HEPHL1: variants seen among roughly 807,000 people sequenced by gnomAD.
The protein encoded by HEPHL1 is ferroxidase HEPHL1.
HEPHL1 carries 123 observed loss-of-function variants against 122.0 expected under a neutral mutation model. The observed-to-expected ratio is 1.01, with a 90% CI of 0.87 to 1.17. The LOEUF (loss-of-function observed/expected upper bound fraction) is 1.17. HEPHL1 is among the 50% of genes most tolerant of loss of function. The probability of loss-of-function intolerance (pLI) is 0.00; values close to 1 mark genes in which losing one functional copy is unlikely to be tolerated. For synonymous variants in HEPHL1, 527 were observed against 508.9 expected, an observed-to-expected ratio of 1.04 and a Z score of -0.48; for missense variants, 1,452 against 1,430.5, an observed-to-expected ratio of 1.01 and a Z score of -0.24.
chr11:94,050,607 T>C (rs1945881302), intron 2 of HEPHL1, among the ~76,000 whole-genome samples: 1 of 152,162 alleles, frequency 6.6e-6, no homozygotes, highest in Non-Finnish European at 1.5e-5. Context: ...TGCATAATAA[T>C]AACATCATAG....
At chr11:94,045,003 T>G (rs2134415159) in intron 1 of HEPHL1, among the ~76,000 whole-genome samples, 1 of 152,286 alleles carries the variant, frequency 6.6e-6, no homozygotes, top group East Asian at 1.9e-4. Context: ...TTTCCCAGGC[T>G]TGAGTGATCC....
Position 94,104,737 on chromosome 11 carries a change from C to A in HEPHL1, c.2892C>A (p.Ser964Arg), listed in dbSNP as rs751199344. The change falls in exon 16 of 20, where the codon AGC (serine) becomes AGA (arginine). Residue 964 changes from serine (S) to arginine (R), a missense_variant. Transcript: ENST00000315765. ...AGCGCACTGATGATTTTGAGGAAAG[C>A]AACAGAATGCATGGTATATCCAAAG... ...DFKRTDDFEE[S>R]NRMHAINGKI... 12 of 1,611,222 alleles carry A rather than the reference C, an allele frequency of 7.4e-6. No individual in the cohort carries two copies. The highest frequency in any genetic ancestry group is 5.3e-5 in the African/African-American group (4 of 74,826).
chr11:94,055,230 C>T, intron 2 of HEPHL1: 1 of 267,216 alleles, frequency 3.7e-6, no homozygotes, highest in East Asian at 1.0e-4. Context: ...TTTTCTGCTG[C>T]TCAGATTTTC....
intron 6 of HEPHL1, among the ~76,000 whole-genome samples, chr11:94,071,618 T>C (rs925288447): frequency 5.9e-5 from 9 of 152,178 alleles, no homozygotes; most frequent in African/African-American, 1.9e-4. Flanking sequence ...CAAGATGACA[T>C]GAGGGATGCA....
rs57141760 is a variant in HEPHL1 at position 94,105,962 on chromosome 11, A to G, written c.2906-29A>G. On this transcript the variant is annotated intron_variant, in intron 16 of 19. Transcript: ENST00000315765. ...AAATCAGCTTATCTTTTAACTAACCAAAGGTTATTTTCTTATCACCTTTTA... is the reference window on the plus strand; with the variant it reads ...AAATCAGCTTATCTTTTAACTAACCGAAGGTTATTTTCTTATCACCTTTTA... 6,880 of 1,500,050 alleles carry G rather than the reference A, an allele frequency of 4.6e-3. 268 individuals carry two copies. The African/African-American group carries it at 0.085, about 19-fold the overall frequency. The allele number at this position is 1,500,050 out of a possible 1,614,324, so 92.9% of individuals were successfully genotyped here.
rs1380290682 is a variant in HEPHL1, at chr11:94,088,900, A to C, written c.2226A>C (p.Val742=). The C allele has an allele frequency of 1.2e-6, 2 of 1,614,032 alleles. No individual in the cohort carries two copies. Among genetic ancestry groups the C allele is most frequent in the Non-Finnish European group, 1.7e-6 (2 of 1,179,898 alleles). The change falls in exon 12 of 20, where the codon GTA becomes GTC. Residue 742 remains valine, a synonymous_variant. Transcript: ENST00000315765. Reference sequence around the variant, plus strand: ...CTTTTTACATCGCCGCTGAAGAAGTAGAATGGGATTATGCCCCTAACAAAA... The same window carrying C: ...CTTTTTACATCGCCGCTGAAGAAGTCGAATGGGATTATGCCCCTAACAAAA... ...IRTFYIAAEE[V]EWDYAPNKNW...
At chr11:94,096,990 T>G (rs1005952221) in intron 13 of HEPHL1, among the ~76,000 whole-genome samples, 25 of 152,254 alleles carry the variant, frequency 1.6e-4, no homozygotes, top group Non-Finnish European at 4.4e-5. Context: ...CATTGATTTT[T>G]TGAAGGGTTT....
At chr11:94,089,415 A>T (rs1946246251) in intron 12 of HEPHL1, among the ~76,000 whole-genome samples, 1 of 152,160 alleles carries the variant, frequency 6.6e-6, no homozygotes, top group African/African-American at 2.4e-5. Flanking sequence ...ACCACCAAGG[A>T]GGGACAGGAG....
intron 1 of HEPHL1, among the ~76,000 whole-genome samples, chr11:94,042,635 A>G (rs1398482583): frequency 6.6e-6 from 1 of 150,474 alleles, no homozygotes; most frequent in African/African-American, 2.5e-5. Context: ...ACAAAAAATC[A>G]AACACCGCAT....
chr11:94,101,323 A>C lies in HEPHL1; in HGVS notation c.2563A>C (p.Met855Leu), dbSNP rs373490740. 43 of 1,612,490 alleles carry C rather than the reference A, an allele frequency of 2.7e-5. No homozygotes were observed. Among genetic ancestry groups the C allele is most frequent in the Non-Finnish European group, 3.6e-5 (42 of 1,179,048 alleles). The change falls in exon 14 of 20, where the codon ATG becomes CTG. Residue 855 changes from methionine (M) to leucine (L), a missense_variant. Physicochemically the swap from Met to Leu is conservative, Grantham distance 15. Coordinates refer to ENST00000315765, the MANE Select transcript of HEPHL1 (RefSeq NM_001098672.2). ...TAGTGGAAAGCAATTCCAAGTGCCC[A>C]TGACAAAACCAGGTAAGTTGTGTCA... ...MDSGKQFQVP[M>L]TKPGEVKTYR...
chr11:94,106,315 C>T lies in HEPHL1; in HGVS notation c.3045+185C>T, dbSNP rs568373647. On this transcript the variant is annotated intron_variant, in intron 17 of 19. Transcript: ENST00000315765. Reference sequence around the variant, plus strand: ...TTTCTTTTTTTTTTTTTTTTTGAGACGGAGTCTTGCTCTGTTGCCCAGGGC... The same window carrying T: ...TTTCTTTTTTTTTTTTTTTTTGAGATGGAGTCTTGCTCTGTTGCCCAGGGC... 5.0e-5 allele frequency among the ~76,000 whole-genome samples: 7 copies of T among 138,912 alleles called. No individual in the cohort carries two copies. The East Asian group carries it at 6.3e-4, about 12-fold the overall frequency. 91.1% of individuals were successfully genotyped at this position (138,912 alleles called of 152,430 possible).
At position 94,064,272 on chromosome 11, in the gene HEPHL1, G is replaced by C. The variant is rs74892692; in HGVS notation, c.629-59G>C. 3 of 1,350,772 alleles carry C rather than the reference G, an allele frequency of 2.2e-6. No individual in the cohort carries two copies. The African/African-American group carries it at 4.3e-5, about 19-fold the overall frequency. 83.7% of individuals were successfully genotyped at this position (1,350,772 alleles called of 1,614,324 possible). A position where few individuals can be genotyped will look rare whatever the true frequency, so the allele number is the denominator to read the frequency against. ...CACACTTGCCTGACACTATTGGAAGGAAGCAAAGCTCATCTTGATTTAGTT... is the reference window on the plus strand; with the variant it reads ...CACACTTGCCTGACACTATTGGAAGCAAGCAAAGCTCATCTTGATTTAGTT... On this transcript the variant is annotated intron_variant, in intron 3 of 19. Coordinates refer to ENST00000315765, the MANE Select transcript of HEPHL1 (RefSeq NM_001098672.2).
chr11:94,106,361 C>T (rs1375632866), intron 17 of HEPHL1, among the ~76,000 whole-genome samples: 1 of 149,756 alleles, frequency 6.7e-6, no homozygotes, highest in Non-Finnish European at 1.5e-5. Flanking sequence ...GGCACAATCT[C>T]AGCTCACTGC....
At chr11:94,098,081 T>A (rs1946333754) in intron 13 of HEPHL1, among the ~76,000 whole-genome samples, 1 of 152,236 alleles carries the variant, frequency 6.6e-6, no homozygotes. Context: ...GTTATTTCAC[T>A]CATTAGTTGA....
intron 1 of HEPHL1, among the ~76,000 whole-genome samples, chr11:94,033,975 G>T (rs1345075233): frequency 3.9e-5 from 6 of 152,134 alleles, no homozygotes; most frequent in African/African-American, 9.7e-5. Flanking sequence ...TGCTTGGCAG[G>T]TAGAGAATGA....
intron 16 of HEPHL1, among the ~76,000 whole-genome samples, chr11:94,105,530 G>A (rs556477604): frequency 2.0e-5 from 3 of 152,236 alleles, no homozygotes; most frequent in South Asian, 2.1e-4. Context: ...AGCTCAGCCC[G>A]TGTGAAGCTC....
At chr11:94,059,953 T>C (rs1474101002) in intron 2 of HEPHL1, among the ~76,000 whole-genome samples, 3 of 151,960 alleles carry the variant, frequency 2.0e-5, no homozygotes, top group Non-Finnish European at 2.9e-5. Flanking sequence ...ACAAGTCCAC[T>C]GCTTACCCAC....
At chr11:94,042,719 C>T (rs1239583834) in intron 1 of HEPHL1, among the ~76,000 whole-genome samples, 1 of 88,732 alleles carries the variant, frequency 1.1e-5, no homozygotes, top group African/African-American at 4.7e-5. Context: ...ACTTTGGGGA[C>T]TGTGGTGGGG....
At position 94,072,313 on chromosome 11, in the gene HEPHL1, G is replaced by A. The variant is rs570626341; in HGVS notation, c.1233-712G>A. Among the ~76,000 whole-genome samples, 8 of 152,190 alleles carry A rather than the reference G, an allele frequency of 5.3e-5. 1 individual carries two copies. The South Asian group carries it at 6.2e-4, about 12-fold the overall frequency. On this transcript the variant is annotated intron_variant, in intron 6 of 19. Coordinates refer to ENST00000315765, the MANE Select transcript of HEPHL1 (RefSeq NM_001098672.2). Reference sequence around the variant, plus strand: ...TGTGATTAGGGCATGAACTGGGGTCGTGGTAGTGGGAAGAAAGGAAAAGAA... The same window carrying A: ...TGTGATTAGGGCATGAACTGGGGTCATGGTAGTGGGAAGAAAGGAAAAGAA...
Sources: allele counts gnomAD v4.1 joint callset (sites outside exome capture counted in the v4.1 genomes callset), GRCh38; gene constraint gnomAD v4.1.1; transcripts MANE v1.5; gene names NCBI Gene and HGNC (gene_info 2026-07-23, HGNC 2026-07-21).